Variants in C11orf65 observed in about 807,000 individuals in gnomAD.
C11orf65 encodes protein MFI.
A neutral mutation model predicts 35.3 loss-of-function variants in C11orf65; 38 were observed. That is an observed-to-expected ratio of 1.08 (90% CI 0.83 to 1.41). The LOEUF (loss-of-function observed/expected upper bound fraction) is 1.41, where lower values mean the gene tolerates loss of function less well. C11orf65 is among the 40% of genes most tolerant of loss of function. The pLI is 0.00. For synonymous variants in C11orf65, 105 were observed against 114.4 expected, an observed-to-expected ratio of 0.92 and a Z score of 0.53; for missense variants, 370 against 367.1, an observed-to-expected ratio of 1.01 and a Z score of -0.06.
In C11orf65 at chr11:108,332,855, A is replaced by G. The variant is rs587781370; in HGVS notation, c.300-1288T>C. On this transcript the variant is annotated intron_variant, in intron 3 of 3. Coordinates refer to the C11orf65 transcript ENST00000524755. ...TGTTGAGGCACTTTGTGATGCTTAT[A>G]TTATATTAGCAAACTTAGATGCCAC... The G allele has an allele frequency of 6.2e-7, 1 of 1,613,266 alleles. No individual in the cohort carries two copies. The highest frequency in any genetic ancestry group is 8.5e-7 in the Non-Finnish European group (1 of 1,179,656).
rs45569338 is a variant in C11orf65 at position 108,310,418 on chromosome 11, G to A, written c.641-1347C>T. ...TTTGCCTCCTGTTCCCCATTTAAAA[G>A]ATATTTTAGATAGAAATTTTGTTTT... On this transcript the variant is annotated intron_variant, in intron 6 of 6. Coordinates refer to the C11orf65 transcript ENST00000525729. 1.2e-3 allele frequency: 1,250 copies of A among 1,048,668 alleles called. 2 individuals carry two copies. Among genetic ancestry groups the A allele is most frequent in the Admixed American group, 3.5e-3 (133 of 38,248 alleles). The allele number at this position is 1,048,668 out of a possible 1,614,324, so 65.0% of individuals were successfully genotyped here.
chr11:108,383,307 GA>G, intron 8 of C11orf65, 132 bp from the exon 9 acceptor site: 2 of 733,352 alleles, frequency 2.7e-6, no homozygotes, highest in Admixed American at 7.3e-5. Context: ...CCTGAAACCA[GA>G]AACACCCCAA....
At chr11:108,356,014 G>A (rs1272063416) in intron 2 of C11orf65, 1 of 152,198 alleles carries the variant, frequency 6.6e-6, no homozygotes, top group Admixed American at 6.5e-5. Flanking sequence ...ATCCAAGGCT[G>A]TGCTATTCCC....
intron 2 of C11orf65, among the ~76,000 whole-genome samples, chr11:108,369,625 T>C (rs1262589764): frequency 6.6e-6 from 1 of 152,232 alleles, no homozygotes; most frequent in East Asian, 1.9e-4. Context: ...GGAGATCTCA[T>C]AATAGACATT....
chr11:108,393,386 G>A lies in C11orf65; in HGVS notation c.561-8C>T, dbSNP rs1223587493. On this transcript the variant is annotated splice_region_variant and splice_polypyrimidine_tract_variant and intron_variant, in intron 6 of 8. Transcript: ENST00000393084. The stretch of plus-strand genomic sequence containing the variant: ...AGACTTCCTGAGTAGTACCTAAATA[G>A]GCAAAAGGGAAAGAGAAGTAAATCT... The A allele has an allele frequency of 1.2e-6, 2 of 1,608,648 alleles. No individual in the cohort carries two copies. Among genetic ancestry groups the A allele is most frequent in the South Asian group, 2.2e-5 (2 of 90,500 alleles).
chr11:108,394,305 C>T (rs1216115741), intron 6 of C11orf65, among the ~76,000 whole-genome samples: 1 of 151,838 alleles, frequency 6.6e-6, no homozygotes, highest in African/African-American at 2.4e-5. Flanking sequence ...GTGGCTCAAG[C>T]CTGTAATCCC....
At chr11:108,365,293 C>T (rs2091226944) in intron 2 of C11orf65, 2 of 1,614,030 alleles carry the variant, frequency 1.2e-6, no homozygotes, top group Non-Finnish European at 1.7e-6. Flanking sequence ...AAACTGTTCA[C>T]CTCACTGAAA....
chr11:108,330,464 A>C (rs772218811), downstream of C11orf65: 32 of 1,593,380 alleles, frequency 2.0e-5, no homozygotes, highest in Non-Finnish European at 2.6e-5. Flanking sequence ...TGCTTGAAAA[A>C]CTTAGACATA....
intron 6 of C11orf65, chr11:108,310,122 T>G: frequency 6.3e-7 from 1 of 1,595,858 alleles, no homozygotes; most frequent in Non-Finnish European, 8.6e-7. Context: ...TATTGAAGTT[T>G]AAAAAAGTGA....
chr11:108,364,439 A>G (rs558281835), intron 2 of C11orf65, among the ~76,000 whole-genome samples: 2 of 152,330 alleles, frequency 1.3e-5, no homozygotes, highest in East Asian at 3.9e-4. Context: ...TGCTCTAGCC[A>G]TGTCAGTTGT....
chr11:108,383,857 C>T (rs1248152402), intron 8 of C11orf65, among the ~76,000 whole-genome samples: 1 of 141,654 alleles, frequency 7.1e-6, no homozygotes, highest in East Asian at 2.1e-4. Context: ...AACTCAGTAA[C>T]TTATATTGTT....
In C11orf65 at chr11:108,442,848, C is replaced by A. The variant is rs2093179799; in HGVS notation, c.82-11010G>T. On this transcript the variant is annotated intron_variant, in intron 2 of 8. Transcript: ENST00000393084. Reference sequence around the variant, plus strand: ...AAGCACTAAACATGGAAAGGAACAACCAGTACCAGCCACTGCAAAAACATT... The same window carrying A: ...AAGCACTAAACATGGAAAGGAACAAACAGTACCAGCCACTGCAAAAACATT... Among the ~76,000 whole-genome samples, 2 of 152,294 alleles carry A rather than the reference C, an allele frequency of 1.3e-5. 1 individual carries two copies. The highest frequency in any genetic ancestry group is 6.8e-3 in the Middle Eastern group (2 of 294).
At chr11:108,376,010 G>C (rs1414679927) in intron 2 of C11orf65, among the ~76,000 whole-genome samples, 5 of 152,110 alleles carry the variant, frequency 3.3e-5, no homozygotes, top group African/African-American at 9.7e-5. Flanking sequence ...CCTACAAAGA[G>C]ACTTAGACTC....
chr11:108,406,554 T>A (rs957286308), intron 5 of C11orf65, among the ~76,000 whole-genome samples: 2 of 152,176 alleles, frequency 1.3e-5, no homozygotes, highest in Admixed American at 6.5e-5. Flanking sequence ...AGCTGATAAT[T>A]AAAAGTAGAA....
intron 2 of C11orf65, chr11:108,345,681 G>A (rs2088248256): frequency 8.6e-6 from 11 of 1,276,382 alleles, no homozygotes; most frequent in Non-Finnish European, 1.2e-5. Flanking sequence ...ATATAAAAAT[G>A]TGTATATTAG....
chr11:108,448,072 A>G (rs1246523763), intron 2 of C11orf65, among the ~76,000 whole-genome samples: 1 of 152,206 alleles, frequency 6.6e-6, no homozygotes, highest in African/African-American at 2.4e-5. Context: ...CACCCTCCCA[A>G]GACTAAACCA....
chr11:108,458,121 G>T (rs946256847), intron 2 of C11orf65, among the ~76,000 whole-genome samples: 3 of 151,806 alleles, frequency 2.0e-5, no homozygotes, highest in Non-Finnish European at 2.9e-5. Flanking sequence ...TCAATATCCT[G>T]ATCTAATTTA....
In C11orf65 at chr11:108,408,687, A is replaced by ATAAAATAAAATAAAATAAAAAAT. The variant is rs1491189858; in HGVS notation, c.175-1539_175-1538insATTTTTTATTTTATTTTATTTTA. On this transcript the variant is annotated intron_variant, in intron 3 of 8. Coordinates refer to ENST00000393084, the MANE Select transcript of C11orf65 (RefSeq NM_152587.5). ...ACTCTGTCTCAATAAATAAAATAAA[A>ATAAAATAAAATAAAATAAAAAAT]TAAAATAAAATAAAATAAAATAAAA... Among the ~76,000 whole-genome samples the ATAAAATAAAATAAAATAAAAAAT allele has an allele frequency of 7.8e-3, 635 of 81,916 alleles. 3 individuals carry two copies. Among genetic ancestry groups the ATAAAATAAAATAAAATAAAAAAT allele is most frequent in the East Asian group, 0.014 (51 of 3,746 alleles). The allele number at this position is 81,916 out of a possible 152,430, so 53.7% of individuals were successfully genotyped here. A position where few individuals can be genotyped will look rare whatever the true frequency, so the allele number is the denominator to read the frequency against.
intron 6 of C11orf65, chr11:108,325,254 T>C (rs1188927550): frequency 3.0e-6 from 3 of 1,011,024 alleles, no homozygotes; most frequent in Non-Finnish European, 1.4e-6. Context: ...ACATAGTTTT[T>C]TTTTTTTTTT....
Sources: gnomAD v4.1 joint callset for allele counts (sites outside exome capture counted in the v4.1 genomes callset) on GRCh38, gnomAD v4.1.1 for gene constraint, MANE v1.5 for transcripts, NCBI Gene and HGNC (gene_info 2026-07-23, HGNC 2026-07-21) for gene names.